The following DCUN1D4 variants were observed in gnomAD, a reference collection of about 807,000 sequenced individuals.
DCUN1D4 encodes the protein DCN1-like protein 4.
Under a neutral mutation model 47.9 loss-of-function variants are expected in DCUN1D4, and 22 were observed. That is an observed-to-expected ratio of 0.46 (90% CI 0.33 to 0.66). The LOEUF (loss-of-function observed/expected upper bound fraction) is 0.66. Ranked by LOEUF, DCUN1D4 falls within the 30% of genes least tolerant of loss-of-function variation. DCUN1D4 has a pLI of 0.02. For synonymous variants in DCUN1D4, 121 were observed against 112.2 expected, an observed-to-expected ratio of 1.08 and a Z score of -0.50; for missense variants, 301 against 340.8, an observed-to-expected ratio of 0.88 and a Z score of 0.92.
chr4:51,882,982 A>T (rs1443805097), intron 5 of DCUN1D4, among the ~76,000 whole-genome samples: 2 of 152,338 alleles, frequency 1.3e-5, no homozygotes, highest in East Asian at 3.9e-4. Context: ...GAATAGATGA[A>T]TATTTCCTTA....
chr4:51,893,971 A>G (rs1187946154), intron 7 of DCUN1D4, among the ~76,000 whole-genome samples: 2 of 152,164 alleles, frequency 1.3e-5, no homozygotes, highest in African/African-American at 4.8e-5. Context: ...TGAGGGCCCT[A>G]TCTCCTGGGA....
At chr4:51,880,194 C>G (rs1384670436) in intron 5 of DCUN1D4, among the ~76,000 whole-genome samples, 18 of 152,088 alleles carry the variant, frequency 1.2e-4, no homozygotes, top group Admixed American at 1.2e-3. Flanking sequence ...CAGTATTAGT[C>G]AAGAAAAATG....
At chr4:51,887,208 T>G (rs1250078529) in intron 6 of DCUN1D4, 4 of 417,500 alleles carry the variant, frequency 9.6e-6, no homozygotes, top group Non-Finnish European at 1.9e-5. Context: ...TGAAGCGATT[T>G]CCCCTGCCTC....
At chr4:51,868,864 A>G (rs1169398369) in intron 3 of DCUN1D4, among the ~76,000 whole-genome samples, 8 of 152,184 alleles carry the variant, frequency 5.3e-5, no homozygotes, top group Non-Finnish European at 8.8e-5. Flanking sequence ...TCACGCCTGT[A>G]ATCCTAGGAC....
At chr4:51,891,948 G>A in intron 7 of DCUN1D4, 97 bp downstream of exon 7, 1 of 925,330 alleles carries the variant, frequency 1.1e-6, no homozygotes, top group East Asian at 2.5e-5. Context: ...TGAGTGGAAG[G>A]AAGTCAGGTG....
upstream of DCUN1D4, among the ~76,000 whole-genome samples, chr4:51,841,053 C>T (rs184485879): frequency 1.6e-4 from 24 of 152,202 alleles, no homozygotes; most frequent in African/African-American, 3.9e-4. Flanking sequence ...GCAAAGCAGC[C>T]GACCCATCCT....
rs114693132 is a variant in DCUN1D4, at chr4:51,859,224, C to T, written c.26-4213C>T. 8.1e-3 allele frequency among the ~76,000 whole-genome samples: 1,225 copies of T among 152,162 alleles called. 11 individuals are homozygous for T. Among genetic ancestry groups the T allele is most frequent in the African/African-American group, 0.024 (993 of 41,518 alleles). ...TTTCTATTCCAGAAATATCTCTTTA[C>T]GTGTATATCTTTCAGTAAACTTTAA... On this transcript the variant is annotated intron_variant, in intron 1 of 10. Transcript: ENST00000334635.
intron 3 of DCUN1D4, among the ~76,000 whole-genome samples, chr4:51,866,347 G>A (rs1725897280): frequency 6.6e-6 from 1 of 152,084 alleles, no homozygotes; most frequent in African/African-American, 2.4e-5. Flanking sequence ...ACTTTCCAGA[G>A]GTAACTCTTC....
chr4:51,888,343 G>C (rs970095990), intron 6 of DCUN1D4, among the ~76,000 whole-genome samples: 3 of 152,104 alleles, frequency 2.0e-5, no homozygotes, highest in East Asian at 3.9e-4. Flanking sequence ...TCTAACTGAA[G>C]AAGAAAGGGA....
chr4:51,913,292 A>G lies in DCUN1D4; in HGVS notation c.723A>G (p.Gln241=). 1 of 1,599,606 alleles carries G rather than the reference A, an allele frequency of 6.3e-7. No individual in the cohort carries two copies. The highest frequency in any genetic ancestry group is 1.1e-5 in the South Asian group (1 of 89,290). ...CATATTACTTTTCCCTCCATCAGCA[A>G]TCAAAATACAAAGTTATTAATAAAG... ...LFPVFHQFLE[Q]SKYKVINKDQ... Residue 241 remains glutamine, a splice_region_variant and synonymous_variant, in exon 10 of 11, where the codon CAA becomes CAG. Transcript: ENST00000334635.
chr4:51,848,668 ATG>A (rs1254336528), intron 1 of DCUN1D4, among the ~76,000 whole-genome samples: 1 of 152,238 alleles, frequency 6.6e-6, no homozygotes, highest in Non-Finnish European at 1.5e-5. Context: ...GTATTTTAAA[ATG>A]TGTTTTAAGA....
chr4:51,854,411 G>A (rs928784514), intron 1 of DCUN1D4, among the ~76,000 whole-genome samples: 2 of 152,138 alleles, frequency 1.3e-5, no homozygotes, highest in African/African-American at 2.4e-5. Context: ...ATCTTTGAGT[G>A]CATATTAGAT....
chr4:51,913,204 A>T, intron 9 of DCUN1D4, 86 bp from the exon 10 acceptor site: 1 of 817,212 alleles, frequency 1.2e-6, no homozygotes, highest in South Asian at 1.9e-5. Context: ...ACATGAACTT[A>T]ATTAAGTTGA....
chr4:51,890,318 C>T (rs1360222809), intron 6 of DCUN1D4, among the ~76,000 whole-genome samples: 5 of 152,178 alleles, frequency 3.3e-5, no homozygotes, highest in Admixed American at 2.6e-4. Context: ...CCATCTGACC[C>T]AGTTGGGCAC....
At chr4:51,889,942 C>T (rs1730154997) in intron 6 of DCUN1D4, among the ~76,000 whole-genome samples, 1 of 151,860 alleles carries the variant, frequency 6.6e-6, no homozygotes, top group Admixed American at 6.6e-5. Context: ...AATTTTTAAT[C>T]CAAAAAAAAC....
the DCUN1D4 span, among the ~76,000 whole-genome samples, chr4:51,837,683 AAAGAAAT>A: frequency 7.0e-6 from 1 of 141,920 alleles, no homozygotes; most frequent in Non-Finnish European, 1.5e-5. Context: ...AAAAAAAAAA[AAAGAAAT>A]CTTAGAAGTT....
At position 51,913,351 on chromosome 4, in the gene DCUN1D4, C is replaced by T. The variant is rs981053202; in HGVS notation, c.782C>T (p.Thr261Ile). ...TGCAATGTCCTAGAGTTTAGCAGAA[C>T]AATTAATCTTGACCTCAGCAACTAT... The part of the protein sequence containing the change: ...QWCNVLEFSR[T>I]INLDLSNYDE... The change falls in exon 10 of 11, where the codon ACA (threonine) becomes ATA (isoleucine). Residue 261 changes from threonine (T) to isoleucine (I), a missense_variant. By Grantham distance (89) the Thr-to-Ile change is moderately conservative. Coordinates refer to ENST00000334635, the MANE Select transcript of DCUN1D4 (RefSeq NM_001040402.3). 6.2e-7 allele frequency: 1 copy of T among 1,612,884 alleles called. No homozygotes were observed. The highest frequency in any genetic ancestry group is 8.5e-7 in the Non-Finnish European group (1 of 1,179,288).
At chr4:51,905,259 A>G in intron 8 of DCUN1D4, 1 of 450,328 alleles carries the variant, frequency 2.2e-6, no homozygotes. Context: ...ATGTAGGATG[A>G]TGAGATTGAG....
intron 5 of DCUN1D4, among the ~76,000 whole-genome samples, chr4:51,882,541 G>T (rs1728827212): frequency 6.6e-6 from 1 of 152,160 alleles, no homozygotes; most frequent in Non-Finnish European, 1.5e-5. Context: ...GCCGAGGCGG[G>T]CGGATCACGA....
Sources: gnomAD v4.1 joint callset for allele counts (sites outside exome capture counted in the v4.1 genomes callset) on GRCh38, gnomAD v4.1.1 for gene constraint, MANE v1.5 for transcripts, NCBI Gene and HGNC (gene_info 2026-07-23, HGNC 2026-07-21) for gene names.